LPP: variants seen among roughly 807,000 people sequenced by gnomAD.
LPP encodes the protein lipoma-preferred partner.
A neutral mutation model predicts 60.4 loss-of-function variants in LPP; 38 were observed. The ratio of observed to expected loss-of-function variants is 0.63; its 90% confidence interval spans 0.49 to 0.83. LPP has a LOEUF of 0.83. Ranked by LOEUF, LPP falls within the 40% of genes least tolerant of loss-of-function variation. LPP has a pLI of 0.00. For missense variants in LPP, 902 were observed against 783.6 expected (o/e 1.15, Z -1.80); for synonymous variants, 328 against 290.8 (o/e 1.13, Z -1.30).
intron 6 of LPP, among the ~76,000 whole-genome samples, chr3:188,592,835 C>T (rs987159677): frequency 2.6e-5 from 4 of 151,958 alleles, no homozygotes; most frequent in African/African-American, 7.3e-5. Flanking sequence ...CCACTGTACC[C>T]GGCGTATCAT....
chr3:188,427,384 C>T (rs1271224537), intron 4 of LPP, among the ~76,000 whole-genome samples: 1 of 152,204 alleles, frequency 6.6e-6, no homozygotes, highest in African/African-American at 2.4e-5. Context: ...CTGCCCTTAA[C>T]ATTTTTTCCT....
At chr3:188,524,333 G>A (rs1329604416) in intron 5 of LPP, among the ~76,000 whole-genome samples, 2 of 152,184 alleles carry the variant, frequency 1.3e-5, no homozygotes, top group Non-Finnish European at 2.9e-5. Context: ...GTGCTTGTGA[G>A]CTCTCTTCAG....
At chr3:188,287,161 G>A (rs763502044) in intron 2 of LPP, among the ~76,000 whole-genome samples, 13 of 152,148 alleles carry the variant, frequency 8.5e-5, no homozygotes, top group Admixed American at 2.0e-4. Flanking sequence ...TCGGCTTCCC[G>A]AAGTGCTGGG....
chr3:188,266,633 T>C (rs1047126415), intron 2 of LPP, among the ~76,000 whole-genome samples: 1 of 152,168 alleles, frequency 6.6e-6, no homozygotes, highest in African/African-American at 2.4e-5. Flanking sequence ...CATAAGTCAC[T>C]GAGAGATTTC....
chr3:188,762,378 A>T (rs1332732154), intron 9 of LPP, among the ~76,000 whole-genome samples: 1 of 152,208 alleles, frequency 6.6e-6, no homozygotes, highest in Non-Finnish European at 1.5e-5. Flanking sequence ...TTATTCTGGG[A>T]TTAACTTTAA....
At chr3:188,824,126 G>C (rs1332970018) in intron 9 of LPP, among the ~76,000 whole-genome samples, 1 of 152,188 alleles carries the variant, frequency 6.6e-6, no homozygotes, top group East Asian at 1.9e-4. Context: ...CTGTATACTA[G>C]TAGTGTGATT....
intron 7 of LPP, among the ~76,000 whole-genome samples, chr3:188,616,378 C>T (rs528911465): frequency 2.0e-5 from 3 of 152,114 alleles, no homozygotes; most frequent in South Asian, 2.1e-4. Flanking sequence ...TCAGGTTTGT[C>T]GAAGATCAGA....
intron 8 of LPP, among the ~76,000 whole-genome samples, chr3:188,740,387 C>T (rs1347613408): frequency 6.6e-6 from 1 of 152,024 alleles, no homozygotes; most frequent in Non-Finnish European, 1.5e-5. Context: ...TCTATTGGAG[C>T]ATACCTATCC....
At chr3:188,226,150 A>C (rs1311891949) in intron 2 of LPP, among the ~76,000 whole-genome samples, 1 of 152,138 alleles carries the variant, frequency 6.6e-6, no homozygotes, top group African/African-American at 2.4e-5. Context: ...CTGGGACTAC[A>C]GGCACATACC....
intron 7 of LPP, among the ~76,000 whole-genome samples, chr3:188,680,343 T>C (rs1158977239): frequency 6.6e-6 from 1 of 152,232 alleles, no homozygotes; most frequent in Non-Finnish European, 1.5e-5. Flanking sequence ...ACAAGCTGAT[T>C]TGAAGCCACA....
At chr3:188,207,621 C>CTTTTTTTTT (rs77534309) in intron 1 of LPP, among the ~76,000 whole-genome samples, 1 of 131,312 alleles carries the variant, frequency 7.6e-6, no homozygotes, top group Non-Finnish European at 1.6e-5. Context: ...TCTTTTTCTT[C>CTTTTTTTTT]TTTTTTTTTT....
chr3:188,448,659 C>T (rs1215096527), intron 4 of LPP, among the ~76,000 whole-genome samples: 1 of 152,124 alleles, frequency 6.6e-6, no homozygotes, highest in African/African-American at 2.4e-5. Flanking sequence ...GGACTAATCT[C>T]ACCTCTGGAA....
chr3:188,498,417 C>T (rs557141412), intron 5 of LPP, among the ~76,000 whole-genome samples: 11 of 152,126 alleles, frequency 7.2e-5, no homozygotes, highest in South Asian at 2.1e-4. Flanking sequence ...TTTAACTTCA[C>T]GAGCACATGG....
chr3:188,879,007 T>G lies in LPP; in HGVS notation c.*4528T>G. 1 of 228,152 alleles carries G rather than the reference T, an allele frequency of 4.4e-6. No homozygotes were observed. Among genetic ancestry groups the G allele is most frequent in the Non-Finnish European group, 8.7e-6 (1 of 114,920 alleles). The allele number at this position is 228,152 out of a possible 1,614,324, so 14.1% of individuals were successfully genotyped here. Reference sequence around the variant, plus strand: ...TGATTCTTTACCACCATTCAGCATATTTTTTAATTGTCTTCATTGTATTTG... The same window carrying G: ...TGATTCTTTACCACCATTCAGCATAGTTTTTAATTGTCTTCATTGTATTTG... On this transcript the variant is annotated 3_prime_UTR_variant, in exon 12 of 12. Coordinates refer to ENST00000617246, the MANE Select transcript of LPP (RefSeq NM_001375462.1).
intron 6 of LPP, among the ~76,000 whole-genome samples, chr3:188,600,280 T>C (rs1840868777): frequency 6.7e-6 from 1 of 149,236 alleles, no homozygotes; most frequent in Admixed American, 6.7e-5. Context: ...GCCTATATAA[T>C]ATATATTTCT....
chr3:188,160,618 T>A (rs942947581), intron 1 of LPP, among the ~76,000 whole-genome samples: 1 of 152,250 alleles, frequency 6.6e-6, no homozygotes, highest in Non-Finnish European at 1.5e-5. Context: ...CCTTGTGCCA[T>A]GAAGCAATTT....
At chr3:188,819,301 C>A (rs1000248368) in intron 9 of LPP, among the ~76,000 whole-genome samples, 1 of 151,932 alleles carries the variant, frequency 6.6e-6, no homozygotes, top group African/African-American at 2.4e-5. Context: ...AGCCCTTTCT[C>A]CCCCTCCTTC....
intron 6 of LPP, among the ~76,000 whole-genome samples, chr3:188,566,804 G>A (rs1832279641): frequency 1.3e-5 from 2 of 151,766 alleles, no homozygotes; most frequent in African/African-American, 2.4e-5. Context: ...TAAGCTCAGA[G>A]CAAGGCTTGG....
chr3:188,392,350 C>A (rs975475986), intron 3 of LPP, among the ~76,000 whole-genome samples: 1 of 152,038 alleles, frequency 6.6e-6, no homozygotes, highest in African/African-American at 2.4e-5. Flanking sequence ...TGGAGACATG[C>A]GATATTATAA....
Sources: allele counts gnomAD v4.1 joint callset (sites outside exome capture counted in the v4.1 genomes callset), GRCh38; gene constraint gnomAD v4.1.1; transcripts MANE v1.5; gene names NCBI Gene and HGNC (gene_info 2026-07-23, HGNC 2026-07-21).